KCTD19: variants seen among roughly 807,000 people sequenced by gnomAD.
The protein encoded by KCTD19 is potassium channel tetramerization domain containing 19, also known as BTB/POZ domain-containing protein KCTD19.
In KCTD19, 67 loss-of-function variants were observed where a neutral mutation model predicts 103.5. The ratio of observed to expected loss-of-function variants is 0.65; its 90% confidence interval spans 0.53 to 0.79. KCTD19 has a LOEUF of 0.79. Among genes scored for constraint, KCTD19 ranks in the 30% least tolerant of loss-of-function variants. The probability of loss-of-function intolerance (pLI) is 0.00; values close to 1 mark genes in which losing one functional copy is unlikely to be tolerated. For missense variants in KCTD19, 980 were observed against 1,136.1 expected, an observed-to-expected ratio of 0.86 and a Z score of 1.98; for synonymous variants, 439 against 452.2, an observed-to-expected ratio of 0.97 and a Z score of 0.37.
In KCTD19 at chr16:67,294,634, A is replaced by G. The variant is rs758427479; in HGVS notation, c.1536T>C (p.His512=). The G allele has an allele frequency of 1.7e-5, 28 of 1,614,064 alleles. No homozygotes were observed. The highest frequency in any genetic ancestry group is 2.4e-5 in the Non-Finnish European group (28 of 1,180,036). The change falls in exon 11 of 16, where the codon CAT becomes CAC. Residue 512 remains histidine (H), a synonymous_variant. Transcript: ENST00000304372. ...GTGACCCTGGCCCTTCTGTCACCACATGCAGCCTCCTGATGGAAAAAGCTT... is the reference window on the plus strand; with the variant it reads ...GTGACCCTGGCCCTTCTGTCACCACGTGCAGCCTCCTGATGGAAAAAGCTT... The part of the protein sequence containing the change: ...NEEAFSIRRL[H]VVTEGPGSLV...
chr16:67,299,928 G>T (rs577553991), intron 5 of KCTD19: 1 of 238,044 alleles, frequency 4.2e-6, no homozygotes, highest in Non-Finnish European at 7.9e-6. Flanking sequence ...GGTAAAGAAC[G>T]GCAACCATGG....
intron 2 of KCTD19, among the ~76,000 whole-genome samples, chr16:67,313,646 T>C (rs1384327863): frequency 6.6e-6 from 1 of 152,054 alleles, no homozygotes; most frequent in Non-Finnish European, 1.5e-5. Flanking sequence ...TGGAGTGCAG[T>C]GGCATGATCT....
At chr16:67,318,761 T>C (rs1470945723) in intron 2 of KCTD19, among the ~76,000 whole-genome samples, 1 of 151,968 alleles carries the variant, frequency 6.6e-6, no homozygotes, top group East Asian at 1.9e-4. Context: ...AATGATGCCT[T>C]GGCGTAGAGT....
Position 67,299,461 on chromosome 16 carries a change from C to T in KCTD19, c.888G>A (p.Lys296=). 1 of 1,614,226 alleles carries T rather than the reference C, an allele frequency of 6.2e-7. No individual in the cohort carries two copies. ...GCTGGCCCAGCGCAGAGTCCGGGTA[C>T]TTGACCAGCAGACCCAGGGCCATTG... is the stretch of plus-strand genomic sequence containing the variant. ...LYTMALGLLV[K]YPDSALGQLR... is the part of the protein sequence containing the mutation. Residue 296 remains lysine (K), a synonymous_variant, in exon 6 of 16, where the codon AAG becomes AAA. Transcript: ENST00000304372.
At position 67,296,195 on chromosome 16, in the gene KCTD19, G is replaced by A. The variant is rs1567448166; in HGVS notation, c.1212C>T (p.Ser404=). 1.2e-6 allele frequency: 2 copies of A among 1,613,542 alleles called. No homozygotes were observed. Among genetic ancestry groups the A allele is most frequent in the South Asian group, 2.2e-5 (2 of 91,080 alleles). The change falls in exon 8 of 16, where the codon AGC becomes AGT. Residue 404 remains serine (S), a synonymous_variant. Transcript: ENST00000304372. ...TCTGCAGGGTGGTTGCGTACCAGTGGCTTCCAACATACACTTTGATGATCT... is the reference window on the plus strand; with the variant it reads ...TCTGCAGGGTGGTTGCGTACCAGTGACTTCCAACATACACTTTGATGATCT... ...PQQIIKVYVG[S]HWYATTLQTL...
chr16:67,295,182 G>A, intron 9 of KCTD19, 81 bp downstream of exon 9: 1 of 1,574,662 alleles, frequency 6.4e-7, no homozygotes, highest in Non-Finnish European at 8.7e-7. Flanking sequence ...CTCCCTGAAG[G>A]CTGCAACTCA....
chr16:67,290,086 A>G (rs964564124), intron 15 of KCTD19, among the ~76,000 whole-genome samples: 1 of 152,102 alleles, frequency 6.6e-6, no homozygotes, highest in Non-Finnish European at 1.5e-5. Context: ...TTTCGGCCTC[A>G]ATGTTAAAAT....
intron 2 of KCTD19, among the ~76,000 whole-genome samples, chr16:67,314,245 C>T (rs1381868592): frequency 2.0e-5 from 3 of 150,232 alleles, no homozygotes; most frequent in African/African-American, 7.4e-5. Context: ...TCCCTCCTTC[C>T]CCCTCTCTTC....
chr16:67,295,492 A>G (rs921446450), intron 8 of KCTD19, 87 bp from the exon 9 acceptor site: 2 of 1,278,542 alleles, frequency 1.6e-6, no homozygotes, highest in Middle Eastern at 2.7e-4. Flanking sequence ...CCCTTTTCCA[A>G]CTACACTAGA....
At chr16:67,296,090 G>T (rs1435157272) in intron 8 of KCTD19, 69 bp downstream of exon 8, 2 of 915,114 alleles carry the variant, frequency 2.2e-6, no homozygotes, top group Non-Finnish European at 1.8e-6. Context: ...TGAGGGCCAG[G>T]TGATGGCCCC....
At chr16:67,302,050 A>C (rs550021283) in intron 4 of KCTD19, 128 bp from the exon 5 acceptor site, 124 of 788,642 alleles carry the variant, frequency 1.6e-4, no homozygotes, top group Non-Finnish European at 7.5e-5. Context: ...ACAACTTATC[A>C]ACATACCTTA....
intron 2 of KCTD19, among the ~76,000 whole-genome samples, chr16:67,315,097 G>A (rs137944010): frequency 6.6e-6 from 1 of 152,056 alleles, no homozygotes; most frequent in African/African-American, 2.4e-5. Flanking sequence ...CTGGCTTCAA[G>A]CAATCCTCCT....
chr16:67,298,197 G>A (rs556871846), intron 6 of KCTD19, among the ~76,000 whole-genome samples: 5 of 152,130 alleles, frequency 3.3e-5, no homozygotes, highest in African/African-American at 1.2e-4. Context: ...GTTTCACCAT[G>A]TAGGCCAGGA....
Position 67,294,085 on chromosome 16 carries a change from G to A in KCTD19, c.1677C>T (p.Asn559=), listed in dbSNP as rs2036735150. 2.5e-6 allele frequency: 4 copies of A among 1,614,146 alleles called. No homozygotes were observed. Among genetic ancestry groups the A allele is most frequent in the Non-Finnish European group, 3.4e-6 (4 of 1,180,012 alleles). The change falls in exon 12 of 16, where the codon AAC becomes AAT. Residue 559 remains asparagine (N), a synonymous_variant. Coordinates refer to ENST00000304372, the MANE Select transcript of KCTD19 (RefSeq NM_001100915.3). ...TGTACTGCTCAGCCTCATCCATCTG[G>A]TTGGACCTGACCAGGTTTCCCTTAG... ...NKAKGNLVRS[N]QMDEAEQYTR... is the part of the protein sequence containing the mutation.
intron 2 of KCTD19, among the ~76,000 whole-genome samples, chr16:67,311,549 TGCCTCA>T (rs1324247409): frequency 2.0e-5 from 3 of 152,094 alleles, no homozygotes; most frequent in Admixed American, 2.0e-4. Flanking sequence ...GTGATCCACC[TGCCTCA>T]GCCTCCCAGA....
In KCTD19 at chr16:67,314,745, A is replaced by G. The variant is rs112749387; in HGVS notation, c.300+5844T>C. On this transcript the variant is annotated intron_variant, in intron 2 of 15. Transcript: ENST00000304372. ...GTCTATCTTCTATACATATAATCATACAATAAGACTGTTTCTTTCACTTAG... is the reference window on the plus strand; with the variant it reads ...GTCTATCTTCTATACATATAATCATGCAATAAGACTGTTTCTTTCACTTAG... 8.0e-5 allele frequency among the ~76,000 whole-genome samples: 12 copies of G among 149,990 alleles called. 1 individual carries two copies. The highest frequency in any genetic ancestry group is 3.0e-4 in the African/African-American group (12 of 40,334).
chr16:67,325,275 G>A lies in KCTD19; in HGVS notation c.3+1430C>T, dbSNP rs1414486799. On this transcript the variant is annotated intron_variant, in intron 1 of 15. Coordinates refer to ENST00000304372, the MANE Select transcript of KCTD19 (RefSeq NM_001100915.3). ...GCTGGAGTGCAGTGGCACGATTTTG[G>A]CTCACTGCAAGCTCCACCTCCCGGG... is the stretch of plus-strand genomic sequence containing the variant. Among the ~76,000 whole-genome samples, 7 of 143,842 alleles carry A rather than the reference G, an allele frequency of 4.9e-5. No homozygotes were observed. The South Asian group carries it at 1.5e-3, about 31-fold the overall frequency. The allele number at this position is 143,842 out of a possible 152,430, so 94.4% of individuals were successfully genotyped here. A position where few individuals can be genotyped will look rare whatever the true frequency, so the allele number is the denominator to read the frequency against.
intron 2 of KCTD19, among the ~76,000 whole-genome samples, chr16:67,314,733 A>G (rs1265661344): frequency 1.3e-5 from 2 of 149,758 alleles, no homozygotes; most frequent in African/African-American, 2.5e-5. Flanking sequence ...TATCTTCTAT[A>G]CATATAATCA....
intron 1 of KCTD19, among the ~76,000 whole-genome samples, chr16:67,324,901 G>GAGGATCCT (rs1185509265): frequency 6.6e-6 from 1 of 152,190 alleles, no homozygotes; most frequent in Admixed American, 6.5e-5. Context: ...TCAATCTAAT[G>GAGGATCCT]AGCTAACCTA....
Sources: gnomAD v4.1 joint callset for allele counts (sites outside exome capture counted in the v4.1 genomes callset) on GRCh38, gnomAD v4.1.1 for gene constraint, MANE v1.5 for transcripts, NCBI Gene and HGNC (gene_info 2026-07-23, HGNC 2026-07-21) for gene names.